Variants in AHNAK observed in about 807,000 individuals in gnomAD.
AHNAK encodes the protein AHNAK nucleoprotein.
AHNAK carries 23 observed loss-of-function variants against 37.8 expected under a neutral mutation model. The ratio of observed to expected loss-of-function variants is 0.61; its 90% confidence interval spans 0.44 to 0.86. The LOEUF is 0.86. AHNAK is among the 40% of genes least tolerant of loss of function. The pLI is 0.00. For missense variants in AHNAK, 7,411 were observed against 7,319.4 expected, an observed-to-expected ratio of 1.01 and a Z score of -0.46; for synonymous variants, 2,481 against 2,636.3, an observed-to-expected ratio of 0.94 and a Z score of 1.80.
intron 1 of AHNAK, among the ~76,000 whole-genome samples, chr11:62,541,239 G>C (rs1300821694): frequency 4.6e-5 from 7 of 152,232 alleles, no homozygotes; most frequent in Non-Finnish European, 8.8e-5. Flanking sequence ...CCATGACTGT[G>C]CATCCACCCA....
In AHNAK at chr11:62,521,898, A is replaced by G. The variant is rs1479240239; in HGVS notation, c.12519T>C (p.Asp4173=). Residue 4173 remains aspartate (D), a synonymous_variant, in exon 5 of 5, where the codon GAT becomes GAC. Transcript: ENST00000378024. ...GGCCTTGAACGTCCACATCTGGGAC[A>G]TCAATGTCCACTTTGGGGCCCTTGA... ...VDIKGPKVDI[D]VPDVDVQGPD... 1 of 1,612,574 alleles carries G rather than the reference A, an allele frequency of 6.2e-7. No homozygotes were observed. Among genetic ancestry groups the G allele is most frequent in the Admixed American group, 1.7e-5 (1 of 59,864 alleles).
At chr11:62,485,333 A>G (rs1021808474) in intron 5 of AHNAK, among the ~76,000 whole-genome samples, 2 of 152,088 alleles carry the variant, frequency 1.3e-5, no homozygotes, top group African/African-American at 4.8e-5. Flanking sequence ...TTGAGGCTAC[A>G]GTGAGACGTA....
At position 62,531,447 on chromosome 11, in the gene AHNAK, C is replaced by A. The variant is rs1253656861; in HGVS notation, c.2970G>T (p.Gln990His). 6.2e-7 allele frequency: 1 copy of A among 1,614,182 alleles called. No homozygotes were observed. Among genetic ancestry groups the A allele is most frequent in the South Asian group, 1.1e-5 (1 of 91,078 alleles). The stretch of plus-strand genomic sequence containing the variant: ...GCATCTTCAAGTTCCAGTCAGGACC[C>A]TGCATTTCAACATCTGGGGCACTGA... ...VDVSAPDVEM[Q>H]GPDWNLKMPK... Residue 990 changes from glutamine to histidine, a missense_variant, in exon 5 of 5, where the codon CAG becomes CAT. Transcript: ENST00000378024.
In AHNAK at chr11:62,526,078, T is replaced by C. The variant is rs750957601; in HGVS notation, c.8339A>G (p.Lys2780Arg). Residue 2780 changes from lysine (K) to arginine (R), a missense_variant, in exon 5 of 5, where the codon AAA (lysine) becomes AGA (arginine). Transcript: ENST00000378024. ...KMPKISMPGF[K>R]GEGPDVDVNL... ...CACGTCCACATCTGGACCTTCTCCT[T>C]TGAAGCCAGGCATGCTGATCTTGGG... 9.3e-6 allele frequency: 15 copies of C among 1,613,498 alleles called. No individual in the cohort carries two copies. In the East Asian group the frequency reaches 1.3e-4, roughly 14 times the overall value.
At chr11:62,498,951 G>A (rs1431748834) in intron 4 of AHNAK, among the ~76,000 whole-genome samples, 1 of 152,162 alleles carries the variant, frequency 6.6e-6, no homozygotes, top group African/African-American at 2.4e-5. Flanking sequence ...AGCATCTACT[G>A]TGGGCCAGGC....
chr11:62,436,131 G>C (rs931341940), intron 5 of AHNAK, among the ~76,000 whole-genome samples: 2 of 152,186 alleles, frequency 1.3e-5, no homozygotes, highest in African/African-American at 4.8e-5. Flanking sequence ...AGAACAGTTA[G>C]GATGAACAGG....
rs778413719 is a variant in AHNAK, at chr11:62,532,964, C to A, written c.1453G>T (p.Gly485Cys). The A allele has an allele frequency of 6.2e-7, 1 of 1,614,114 alleles. No individual in the cohort carries two copies. The highest frequency in any genetic ancestry group is 1.1e-5 in the South Asian group (1 of 91,078). Residue 485 changes from glycine to cysteine, a missense_variant, in exon 5 of 5, where the codon GGT becomes TGT. Coordinates refer to ENST00000378024, the MANE Select transcript of AHNAK (RefSeq NM_001620.3). ...ATTTCAGGAGTCTTCACTTTAGTAC[C>A]TTTCATCTTTCCTTCCAGCCCACCA... is the stretch of plus-strand genomic sequence containing the variant. ...ATGGLEGKMK[G>C]TKVKTPEMII...
At chr11:62,484,930 C>A (rs1176067757) in intron 5 of AHNAK, among the ~76,000 whole-genome samples, 3 of 152,182 alleles carry the variant, frequency 2.0e-5, no homozygotes, top group Non-Finnish European at 4.4e-5. Context: ...GCTGGGATTA[C>A]AGGCACGCGC....
Position 62,529,191 on chromosome 11 carries a change from A to G in AHNAK, c.5226T>C (p.Asp1742=), listed in dbSNP as rs2134231447. 1 of 1,614,224 alleles carries G rather than the reference A, an allele frequency of 6.2e-7. No individual in the cohort carries two copies. Among genetic ancestry groups the G allele is most frequent in the Non-Finnish European group, 8.5e-7 (1 of 1,180,046 alleles). Residue 1742 remains aspartate, a synonymous_variant, in exon 5 of 5, where the codon GAT becomes GAC. Coordinates refer to ENST00000378024, the MANE Select transcript of AHNAK (RefSeq NM_001620.3). ...VDVNLPKADI[D]VSGPSVDTDA... Reference sequence around the variant, plus strand: ...CAGTGTCCACACTGGGTCCAGACACATCAATGTCAGCCTTTGGCAGATTCA... The same window carrying G: ...CAGTGTCCACACTGGGTCCAGACACGTCAATGTCAGCCTTTGGCAGATTCA...
chr11:62,447,911 G>A (rs1385775678), intron 5 of AHNAK, among the ~76,000 whole-genome samples: 1 of 152,132 alleles, frequency 6.6e-6, no homozygotes, highest in Non-Finnish European at 1.5e-5. Flanking sequence ...AAAATTCCAA[G>A]TTGTGATCAG....
chr11:62,475,819 C>G (rs74511143), intron 5 of AHNAK, among the ~76,000 whole-genome samples: 129,480 of 151,698 alleles, frequency 0.85, 56,953 homozygotes, highest in Non-Finnish European at 0.96. Flanking sequence ...TGGCCAGGCT[C>G]GTCTCGAGCT....
At chr11:62,436,179 C>A (rs1411614575) in intron 5 of AHNAK, among the ~76,000 whole-genome samples, 2 of 152,258 alleles carry the variant, frequency 1.3e-5, no homozygotes, top group East Asian at 3.9e-4. Context: ...CTGATTGGAA[C>A]AAATTCATGG....
chr11:62,540,670 T>A (rs902111728), intron 1 of AHNAK, among the ~76,000 whole-genome samples: 25 of 152,230 alleles, frequency 1.6e-4, no homozygotes, highest in African/African-American at 4.1e-4. Flanking sequence ...GTATTTTTTT[T>A]AAATAAAAAA....
chr11:62,493,058 C>T (rs1255379379), intron 4 of AHNAK, among the ~76,000 whole-genome samples: 1 of 143,184 alleles, frequency 7.0e-6, no homozygotes, highest in Non-Finnish European at 1.5e-5. Context: ...GTGTCCCAGG[C>T]TGGAGGGCAG....
intron 5 of AHNAK, among the ~76,000 whole-genome samples, chr11:62,468,431 G>T (rs1438840928): frequency 6.6e-6 from 1 of 151,940 alleles, no homozygotes; most frequent in Admixed American, 6.6e-5. Flanking sequence ...GCTAGGGTTG[G>T]GGTGCATAAT....
Position 62,522,396 on chromosome 11 carries a change from A to C in AHNAK, c.12021T>G (p.Asp4007Glu). 3 of 1,613,978 alleles carry C rather than the reference A, an allele frequency of 1.9e-6. No individual in the cohort carries two copies. The highest frequency in any genetic ancestry group is 2.5e-6 in the Non-Finnish European group (3 of 1,179,984). The part of the protein sequence containing the change: ...KAPKISMPDF[D>E]LHLKGPKVKG... ...TCACCTTAGGGCCTTTCAGATGCAA[A>C]TCAAAGTCAGGCATGGAGATCTTGG... The change falls in exon 5 of 5, where the codon GAT (aspartate) becomes GAG (glutamate). Residue 4007 changes from aspartate (D) to glutamate (E), a missense_variant. Transcript: ENST00000378024.
At position 62,536,008 on chromosome 11, in the gene AHNAK, C is replaced by T. The variant is rs776155205; in HGVS notation, c.91G>A (p.Gly31Ser). Residue 31 changes from glycine (G) to serine (S), a missense_variant, in exon 3 of 5, where the codon GGC becomes AGC. By Grantham distance (56) the Gly-to-Ser change is moderately conservative. Coordinates refer to ENST00000378024, the MANE Select transcript of AHNAK (RefSeq NM_001620.3). The stretch of plus-strand genomic sequence containing the variant: ...TGCGTCACCTCCTGCACAAAGACGC[C>T]GTCGTCCCTCTGGGCGATGGTCAGC... ...HGLTIAQRDD[G>S]VFVQEVTQNS... 8.1e-6 allele frequency: 13 copies of T among 1,612,834 alleles called. No individual in the cohort carries two copies. The highest frequency in any genetic ancestry group is 1.3e-5 in the African/African-American group (1 of 74,966).
intron 4 of AHNAK, among the ~76,000 whole-genome samples, chr11:62,503,893 G>A (rs1939758221): frequency 6.6e-6 from 1 of 152,136 alleles, no homozygotes; most frequent in Admixed American, 6.5e-5. Flanking sequence ...GGGCGTGGTG[G>A]CTTATGCCTG....
In AHNAK at chr11:62,520,268, T is replaced by A. The variant is rs1940186773; in HGVS notation, c.14149A>T (p.Lys4717Ter). The change falls in exon 5 of 5, where the codon AAA (lysine) becomes TAA (stop). Residue 4717 changes from lysine to a stop codon, truncating the protein, a stop_gained. Transcript: ENST00000378024. LOFTEE classifies it low-confidence loss of function (END_TRUNC). ...PKFKMPEMSI[K>*]APKISMPDID... ...TCAGGCATGGAGATCTTGGGGGCTT[T>A]GATGCTCATCTCAGGCATCTTGAAC... 1 of 1,613,030 alleles carries A rather than the reference T, an allele frequency of 6.2e-7. No individual in the cohort carries two copies. The highest frequency in any genetic ancestry group is 1.7e-5 in the Admixed American group (1 of 59,894).
Sources: gnomAD v4.1 joint callset for allele counts (sites outside exome capture counted in the v4.1 genomes callset) on GRCh38, gnomAD v4.1.1 for gene constraint, MANE v1.5 for transcripts, NCBI Gene and HGNC (gene_info 2026-07-23, HGNC 2026-07-21) for gene names.